WWOX: variants seen among roughly 807,000 people sequenced by gnomAD.
WWOX encodes WW domain-containing oxidoreductase.
Under a neutral mutation model 46.2 loss-of-function variants are expected in WWOX, and 69 were observed. That is an observed-to-expected ratio of 1.49 (90% CI 1.23 to 1.82). The LOEUF is 1.82. WWOX is among the 40% of genes most tolerant of loss of function. WWOX has a pLI of 0.00. For synonymous variants in WWOX, 359 were observed against 202.6 expected (o/e 1.77, Z -6.56); for missense variants, 919 against 542.6 (o/e 1.69, Z -6.89).
chr16:78,524,104 T>G (rs16947931), intron 8 of WWOX, among the ~76,000 whole-genome samples: 6,564 of 152,306 alleles, frequency 0.043, 285 homozygotes, highest in African/African-American at 0.11. Flanking sequence ...GAAGTGTGTT[T>G]TAGTCGGCAA....
chr16:79,041,236 A>T (rs956346631), intron 8 of WWOX, among the ~76,000 whole-genome samples: 1 of 152,132 alleles, frequency 6.6e-6, no homozygotes, highest in Non-Finnish European at 1.5e-5. Context: ...CACTCGTGTG[A>T]TGTCTGTTAA....
At chr16:78,853,733 G>A (rs1210574946) in intron 8 of WWOX, among the ~76,000 whole-genome samples, 1 of 152,060 alleles carries the variant, frequency 6.6e-6, no homozygotes, top group Non-Finnish European at 1.5e-5. Flanking sequence ...TTCCTGTTAT[G>A]AAACCCAGCT....
chr16:78,267,384 C>G (rs770283933), intron 5 of WWOX, among the ~76,000 whole-genome samples: 2 of 152,228 alleles, frequency 1.3e-5, no homozygotes, highest in African/African-American at 4.8e-5. Context: ...ATGAATCACT[C>G]TGACTTTTCG....
chr16:78,695,420 T>G (rs1215261995), intron 8 of WWOX, among the ~76,000 whole-genome samples: 2 of 152,192 alleles, frequency 1.3e-5, no homozygotes, highest in Admixed American at 1.3e-4. Context: ...GTCTCTTTTC[T>G]GTGATTCGGG....
At chr16:78,999,760 C>A (rs12931421) in intron 8 of WWOX, among the ~76,000 whole-genome samples, 126,142 of 152,144 alleles carry the variant, frequency 0.83, 52,421 homozygotes, top group Middle Eastern at 0.86. Flanking sequence ...TGTTAGGTGC[C>A]ATGTTCACTA....
At chr16:78,804,913 C>G (rs1322785957) in intron 8 of WWOX, among the ~76,000 whole-genome samples, 1 of 152,190 alleles carries the variant, frequency 6.6e-6, no homozygotes, top group Non-Finnish European at 1.5e-5. Context: ...AAATTTCCTC[C>G]AAACTAACAA....
chr16:78,421,550 C>G (rs1439609936), intron 6 of WWOX, among the ~76,000 whole-genome samples: 1 of 152,170 alleles, frequency 6.6e-6, no homozygotes, highest in Non-Finnish European at 1.5e-5. Context: ...TCACAGATCC[C>G]TACCATTCAA....
At position 78,457,909 on chromosome 16, in the gene WWOX, C is replaced by CAAAAAAAAAAAAAAAAA. The variant is rs57956003; in HGVS notation, c.1056+25160_1056+25176dup. 1.0e-3 allele frequency among the ~76,000 whole-genome samples: 91 copies of CAAAAAAAAAAAAAAAAA among 86,960 alleles called. 4 individuals carry two copies. Among genetic ancestry groups the CAAAAAAAAAAAAAAAAA allele is most frequent in the African/African-American group, 4.9e-3 (85 of 17,296 alleles). 57.0% of individuals were successfully genotyped at this position (86,960 alleles called of 152,430 possible). On this transcript the variant is annotated intron_variant, in intron 8 of 8. Coordinates refer to ENST00000566780, the MANE Select transcript of WWOX (RefSeq NM_016373.4). ...CCAGCCTGAGCGTGAGACTCTGACT[C>CAAAAAAAAAAAAAAAAA]AAAAAAAAAAAAAAAAAAATTAGCT...
chr16:78,978,936 A>G (rs2046625911), intron 8 of WWOX, among the ~76,000 whole-genome samples: 2 of 151,992 alleles, frequency 1.3e-5, no homozygotes, highest in Admixed American at 6.6e-5. Flanking sequence ...CTTCAGGTAC[A>G]TTTTGATGTC....
At chr16:78,214,020 C>A (rs1214613670) in intron 5 of WWOX, among the ~76,000 whole-genome samples, 1 of 152,170 alleles carries the variant, frequency 6.6e-6, no homozygotes, top group Non-Finnish European at 1.5e-5. Context: ...GTTCCAGAGT[C>A]TGCGCCTCCC....
chr16:78,580,007 A>G (rs1482261360), intron 8 of WWOX, among the ~76,000 whole-genome samples: 1 of 152,028 alleles, frequency 6.6e-6, no homozygotes, highest in Non-Finnish European at 1.5e-5. Flanking sequence ...TTCTTTGTGC[A>G]CATTCCTGCT....
intron 8 of WWOX, among the ~76,000 whole-genome samples, chr16:79,151,196 C>T (rs773961061): frequency 6.6e-6 from 1 of 152,210 alleles, no homozygotes; most frequent in Non-Finnish European, 1.5e-5. Context: ...GGCACCACCT[C>T]TTAAACAGCC....
chr16:79,162,058 G>C (rs77961339), intron 8 of WWOX, among the ~76,000 whole-genome samples: 1,633 of 152,250 alleles, frequency 0.011, 9 homozygotes, highest in African/African-American at 0.02. Flanking sequence ...TTGAAGTTAC[G>C]GGTAGTTATT....
intron 5 of WWOX, among the ~76,000 whole-genome samples, chr16:78,385,965 C>A (rs371962038): frequency 6.6e-6 from 1 of 152,164 alleles, no homozygotes; most frequent in Non-Finnish European, 1.5e-5. Context: ...AGGGGCAACC[C>A]GGAGATTTGT....
At chr16:79,004,559 C>T (rs1299090110) in intron 8 of WWOX, 3 of 152,416 alleles carry the variant, frequency 2.0e-5, no homozygotes, top group South Asian at 2.1e-4. Flanking sequence ...CTCAGGTCAG[C>T]ATTGCGATCC....
intron 8 of WWOX, among the ~76,000 whole-genome samples, chr16:79,000,286 A>C (rs1369672562): frequency 6.6e-6 from 1 of 152,222 alleles, no homozygotes; most frequent in Admixed American, 6.5e-5. Context: ...TGGTAGACAG[A>C]GTAATGAGCC....
intron 4 of WWOX, among the ~76,000 whole-genome samples, chr16:78,122,256 C>T (rs1468140262): frequency 2.0e-5 from 3 of 152,172 alleles, no homozygotes; most frequent in South Asian, 4.1e-4. Context: ...GGGGGGGCTA[C>T]TGTCAGTGTG....
rs114113649 is a variant in WWOX at position 78,626,623 on chromosome 16, A to T, written c.1056+193871A>T. The stretch of plus-strand genomic sequence containing the variant: ...AGTGTTCATTAGGTTTCTCCACTGC[A>T]CACTTAGTCTTTCCCTCTACTTTCC... On this transcript the variant is annotated intron_variant, in intron 8 of 8. Transcript: ENST00000566780. 3.8e-3 allele frequency among the ~76,000 whole-genome samples: 584 copies of T among 152,216 alleles called. 5 individuals carry two copies. Among genetic ancestry groups the T allele is most frequent in the African/African-American group, 0.014 (564 of 41,546 alleles).
chr16:78,965,519 G>A (rs1313194650), intron 8 of WWOX, among the ~76,000 whole-genome samples: 3 of 151,332 alleles, frequency 2.0e-5, no homozygotes, highest in East Asian at 2.0e-4. Flanking sequence ...GCAGTGAGCC[G>A]AGATGGCACC....
Sources: gnomAD v4.1 joint callset for allele counts (sites outside exome capture counted in the v4.1 genomes callset) on GRCh38, gnomAD v4.1.1 for gene constraint, MANE v1.5 for transcripts, NCBI Gene and HGNC (gene_info 2026-07-23, HGNC 2026-07-21) for gene names.